Variants in NSDHL observed in about 807,000 individuals in gnomAD.
The protein encoded by NSDHL is NAD(P) dependent 3-beta-hydroxysteroid dehydrogenase NSDHL.
In NSDHL, 1 loss-of-function variant was observed where a neutral mutation model predicts 23.0. The observed-to-expected ratio is 0.04, with a 90% confidence interval of 0.02 to 0.21. The LOEUF is 0.21. Ranked by LOEUF, NSDHL falls within the 10% of genes least tolerant of loss-of-function variation. The probability of loss-of-function intolerance (pLI) is 1.00; values close to 1 mark genes in which losing one functional copy is unlikely to be tolerated. For synonymous variants in NSDHL, 128 were observed against 121.1 expected, an observed-to-expected ratio of 1.06 and a Z score of -0.37; for missense variants, 237 against 300.9, an observed-to-expected ratio of 0.79 and a Z score of 1.57.
At chrX:152,843,940 G>A (rs151174030) in intron 1 of NSDHL, among the ~76,000 whole-genome samples, 1,431 of 111,931 alleles carry the variant, frequency 0.013, 20 homozygotes, top group African/African-American at 0.044. Context: ...AACCCCAGGA[G>A]TTAGCCTTTA....
chrX:152,840,968 C>T (rs180724634), intron 1 of NSDHL, among the ~76,000 whole-genome samples: 3 of 113,079 alleles, frequency 2.7e-5, no homozygotes, highest in East Asian at 5.6e-4. Context: ...CTGCCCAGTT[C>T]GAGCTTCTCA....
At chrX:152,831,241 G>C (rs1556843384) in intron 1 of NSDHL, 124 bp downstream of exon 1, 4 of 294,401 alleles carry the variant, frequency 1.4e-5, no homozygotes, top group Non-Finnish European at 2.4e-5. Context: ...GCTGAGTTTA[G>C]GGACCGAGTG....
intron 6 of NSDHL, among the ~76,000 whole-genome samples, chrX:152,866,565 T>C (rs2125016140): frequency 8.8e-6 from 1 of 113,165 alleles, no homozygotes; most frequent in South Asian, 3.6e-4. Flanking sequence ...CTTCTGGAGG[T>C]TCGCAGGGAG....
intron 1 of NSDHL, among the ~76,000 whole-genome samples, chrX:152,840,193 G>A (rs190150173): frequency 1.3e-3 from 144 of 112,129 alleles, no homozygotes; most frequent in African/African-American, 4.6e-3. Flanking sequence ...ATTCTAGTTA[G>A]TCATTCATCT....
At chrX:152,831,330 G>A (rs1159370875) in intron 1 of NSDHL, among the ~76,000 whole-genome samples, 1 of 111,833 alleles carries the variant, frequency 8.9e-6, no homozygotes, top group African/African-American at 3.3e-5. Flanking sequence ...CCCGGAGAGG[G>A]GAAGGGGTGT....
At chrX:152,843,216 A>G (rs1042233077) in intron 1 of NSDHL, among the ~76,000 whole-genome samples, 9 of 112,046 alleles carry the variant, frequency 8.0e-5, no homozygotes, top group Non-Finnish European at 1.5e-4. Context: ...CTAGCAAACG[A>G]GGAGAGGAAT....
At chrX:152,850,970 C>T (rs1933347637) in intron 3 of NSDHL, among the ~76,000 whole-genome samples, 2 of 112,121 alleles carry the variant, frequency 1.8e-5, no homozygotes, top group African/African-American at 6.5e-5. Flanking sequence ...CATCTACTTC[C>T]CATCTATGGA....
At chrX:152,846,717 G>A (rs1437326152) in intron 2 of NSDHL, among the ~76,000 whole-genome samples, 1 of 111,915 alleles carries the variant, frequency 8.9e-6, no homozygotes, top group Non-Finnish European at 1.9e-5. Flanking sequence ...AATCACATGG[G>A]GACCCCTTGA....
Position 152,834,538 on chromosome X carries a change from C to G in NSDHL, c.-44+3421C>G, listed in dbSNP as rs1263560668. Among the ~76,000 whole-genome samples, 3 of 112,851 alleles carry G rather than the reference C, an allele frequency of 2.7e-5. No individual in the cohort carries two copies. The Admixed American group carries it at 2.8e-4, about 11-fold the overall frequency. ...TCACTAATCCTAATCTGGGTATTTTCTTTCCCATATCACATCTTTGAATTC... is the reference window on the plus strand; with the variant it reads ...TCACTAATCCTAATCTGGGTATTTTGTTTCCCATATCACATCTTTGAATTC... On this transcript the variant is annotated intron_variant, in intron 1 of 7. Coordinates refer to ENST00000370274, the MANE Select transcript of NSDHL (RefSeq NM_015922.3).
intron 1 of NSDHL, among the ~76,000 whole-genome samples, chrX:152,837,230 G>A (rs1356038056): frequency 8.9e-6 from 1 of 111,879 alleles, no homozygotes; most frequent in Non-Finnish European, 1.9e-5. Context: ...ATATAATCAT[G>A]TCATCTGCAA....
chrX:152,850,300 C>T lies in NSDHL; in HGVS notation c.144C>T (p.Phe48=), dbSNP rs782430721. 8.3e-7 allele frequency: 1 copy of T among 1,211,071 alleles called. No homozygotes were observed. The highest frequency in any genetic ancestry group is 1.1e-6 in the Non-Finnish European group (1 of 894,897). Residue 48 remains phenylalanine (F), a synonymous_variant, in exon 3 of 8, where the codon TTC becomes TTT. Coordinates refer to ENST00000370274, the MANE Select transcript of NSDHL (RefSeq NM_015922.3). ...GCACAGTGATCGGTGGCTCTGGATTCCTGGGGCAGCACATGGTGGAGCAGT... is the reference window on the plus strand; with the variant it reads ...GCACAGTGATCGGTGGCTCTGGATTTCTGGGGCAGCACATGGTGGAGCAGT... ...KRCTVIGGSG[F]LGQHMVEQLL... is the part of the protein sequence containing the mutation.
chrX:152,846,731 A>G (rs1933280631), intron 2 of NSDHL, among the ~76,000 whole-genome samples: 1 of 112,016 alleles, frequency 8.9e-6, no homozygotes, highest in African/African-American at 3.2e-5. Context: ...CCCTTGAAGC[A>G]TATGCTCCCA....
At chrX:152,832,787 CA>C (rs1183036001) in intron 1 of NSDHL, among the ~76,000 whole-genome samples, 1 of 112,171 alleles carries the variant, frequency 8.9e-6, no homozygotes, top group African/African-American at 3.2e-5. Flanking sequence ...TGAGTGAGAC[CA>C]GTACTGTCTA....
chrX:152,845,826 C>A, intron 1 of NSDHL, among the ~76,000 whole-genome samples: 1 of 112,051 alleles, frequency 8.9e-6, no homozygotes, highest in Non-Finnish European at 1.9e-5. Flanking sequence ...GAAAACTGAG[C>A]TGCAGCAAAG....
chrX:152,835,227 A>G (rs1933073902), intron 1 of NSDHL, among the ~76,000 whole-genome samples: 2 of 110,302 alleles, frequency 1.8e-5, no homozygotes, highest in African/African-American at 6.6e-5. Flanking sequence ...CCCTTTCAAG[A>G]TGTGATATGG....
chrX:152,856,914 C>T (rs888521895), intron 3 of NSDHL, among the ~76,000 whole-genome samples: 5 of 112,301 alleles, frequency 4.5e-5, no homozygotes, highest in Non-Finnish European at 9.4e-5. Flanking sequence ...AAAAATTAGC[C>T]GGGCATGGTG....
rs1287781677 is a variant in NSDHL at position 152,869,190 on chromosome X, A to G, written c.*74A>G. The G allele has an allele frequency of 1.5e-5, 13 of 871,369 alleles. No individual in the cohort carries two copies. The African/African-American group carries it at 2.6e-4, about 17-fold the overall frequency. 71.8% of individuals were successfully genotyped at this position (871,369 alleles called of 1,213,427 possible). On this transcript the variant is annotated 3_prime_UTR_variant, in exon 8 of 8. Transcript: ENST00000370274. Reference sequence around the variant, plus strand: ...CCTTCCCCTGTGGATTGATGAAATAACATCCTTTGAATGAGTTTGCTCTGA... The same window carrying G: ...CCTTCCCCTGTGGATTGATGAAATAGCATCCTTTGAATGAGTTTGCTCTGA...
At chrX:152,842,753 C>T (rs1359082881) in intron 1 of NSDHL, among the ~76,000 whole-genome samples, 1 of 112,204 alleles carries the variant, frequency 8.9e-6, no homozygotes, top group Non-Finnish European at 1.9e-5. Flanking sequence ...TCACCTGCCT[C>T]GGCCTCCCAA....
intron 6 of NSDHL, among the ~76,000 whole-genome samples, chrX:152,866,664 C>T (rs1049986035): frequency 9.8e-5 from 11 of 112,595 alleles, no homozygotes; most frequent in South Asian, 3.7e-4. Context: ...CCTGCCTCTG[C>T]GTCCCTTTCA....
Sources: allele counts gnomAD v4.1 joint callset (sites outside exome capture counted in the v4.1 genomes callset), GRCh38; gene constraint gnomAD v4.1.1; transcripts MANE v1.5; gene names NCBI Gene and HGNC (gene_info 2026-07-23, HGNC 2026-07-21).